ZCWPW2: variants seen among roughly 807,000 people sequenced by gnomAD.
ZCWPW2 encodes zinc finger CW-type and PWWP domain containing 2, also known as zinc finger CW-type PWWP domain protein 2.
In ZCWPW2, 45 loss-of-function variants were observed where a neutral mutation model predicts 46.6. The ratio of observed to expected loss-of-function variants is 0.96; its 90% CI spans 0.76 to 1.24. ZCWPW2 has a LOEUF of 1.24. ZCWPW2 is among the 50% of genes most tolerant of loss of function. The pLI, the probability that ZCWPW2 is intolerant of heterozygous loss-of-function variation, is 0.00. For synonymous variants in ZCWPW2, 152 were observed against 137.1 expected (o/e 1.11, Z -0.76); for missense variants, 429 against 403.9 (o/e 1.06, Z -0.53).
chr3:28,507,858 GA>G (rs1168741885), intron 6 of ZCWPW2, among the ~76,000 whole-genome samples: 1 of 152,010 alleles, frequency 6.6e-6, no homozygotes, highest in Non-Finnish European at 1.5e-5. Context: ...AATTGTGTAA[GA>G]AATTTTAAGA....
intron 7 of ZCWPW2, 133 bp from the exon 8 acceptor site, chr3:28,515,421 A>G (rs546991297): frequency 2.2e-4 from 156 of 719,120 alleles, no homozygotes; most frequent in Middle Eastern, 1.6e-3. Context: ...TTACTACATA[A>G]AACAACCAAG....
At chr3:28,424,099 G>A (rs73825157) in intron 3 of ZCWPW2, among the ~76,000 whole-genome samples, 7,472 of 151,992 alleles carry the variant, frequency 0.049, 559 homozygotes, top group African/African-American at 0.16. Context: ...TTTACATTGC[G>A]TTTTTCAACC....
intron 4 of ZCWPW2, among the ~76,000 whole-genome samples, chr3:28,453,116 A>G (rs1698288769): frequency 6.6e-6 from 1 of 152,216 alleles, no homozygotes; most frequent in Non-Finnish European, 1.5e-5. Context: ...GCCCAATATC[A>G]GCAGTGTCTC....
intron 6 of ZCWPW2, among the ~76,000 whole-genome samples, chr3:28,502,660 G>C (rs1292674435): frequency 6.6e-6 from 1 of 152,118 alleles, no homozygotes; most frequent in Admixed American, 6.6e-5. Flanking sequence ...AGGGCAAGTA[G>C]TGTAAGAAAT....
intron 1 of ZCWPW2, among the ~76,000 whole-genome samples, chr3:28,352,643 C>T (rs1239426363): frequency 6.6e-6 from 1 of 152,174 alleles, no homozygotes; most frequent in Non-Finnish European, 1.5e-5. Flanking sequence ...ATTTTTGAAG[C>T]ATACCCATGT....
At chr3:28,369,147 CTT>C (rs1398278186) in intron 1 of ZCWPW2, among the ~76,000 whole-genome samples, 1 of 152,176 alleles carries the variant, frequency 6.6e-6, no homozygotes, top group Non-Finnish European at 1.5e-5. Flanking sequence ...CTGAAGTCTT[CTT>C]CTCTCAACTC....
chr3:28,352,942 G>C (rs1704611887), intron 1 of ZCWPW2, among the ~76,000 whole-genome samples: 1 of 152,066 alleles, frequency 6.6e-6, no homozygotes, highest in Non-Finnish European at 1.5e-5. Context: ...CCAGCACTTT[G>C]GGAGGCTGAG....
intron 1 of ZCWPW2, among the ~76,000 whole-genome samples, chr3:28,357,449 C>G (rs1295899950): frequency 6.6e-6 from 1 of 152,034 alleles, no homozygotes; most frequent in Admixed American, 6.6e-5. Flanking sequence ...CTTTGAGTGT[C>G]TTTAGATAAG....
Position 28,453,832 on chromosome 3 carries a change from TTTTTA to T in ZCWPW2, c.492+18568_492+18572del, listed in dbSNP as rs201133599. 9.7e-3 allele frequency among the ~76,000 whole-genome samples: 1,403 copies of T among 144,812 alleles called. 22 individuals carry two copies. The highest frequency in any genetic ancestry group is 0.03 in the African/African-American group (1,147 of 37,788). ...ATTTATTTATTTATTTATTTATTTA[TTTTTA>T]TTTTTTTTATTATTATTTTTTTTTT... On this transcript the variant is annotated intron_variant, in intron 4 of 9. Transcript: ENST00000383768.
At chr3:28,387,812 A>C (rs1195809820) in intron 1 of ZCWPW2, among the ~76,000 whole-genome samples, 1 of 152,200 alleles carries the variant, frequency 6.6e-6, no homozygotes, top group Non-Finnish European at 1.5e-5. Context: ...TTTAGAATCT[A>C]ACCAAAAACT....
intron 6 of ZCWPW2, among the ~76,000 whole-genome samples, 160 bp from the exon 7 acceptor site, chr3:28,513,904 G>T (rs907345389): frequency 3.3e-5 from 5 of 151,524 alleles, no homozygotes; most frequent in Non-Finnish European, 7.4e-5. Flanking sequence ...TGCAATTGCC[G>T]TGACTATGCA....
chr3:28,446,563 A>G (rs1482270568), intron 4 of ZCWPW2, among the ~76,000 whole-genome samples: 1 of 152,036 alleles, frequency 6.6e-6, no homozygotes, highest in East Asian at 1.9e-4. Flanking sequence ...AACACTTATT[A>G]AAAAAACAAT....
intron 4 of ZCWPW2, chr3:28,447,812 A>G: frequency 1.0e-6 from 1 of 968,868 alleles, no homozygotes; most frequent in Non-Finnish European, 1.6e-6. Flanking sequence ...TGGCAATAGA[A>G]TTGTTTACCT....
At chr3:28,524,073 C>G (rs1157745316) in intron 9 of ZCWPW2, among the ~76,000 whole-genome samples, 2 of 151,830 alleles carry the variant, frequency 1.3e-5, no homozygotes, top group Non-Finnish European at 1.5e-5. Context: ...CAAATAAATC[C>G]ACATATGCAT....
intron 6 of ZCWPW2, among the ~76,000 whole-genome samples, chr3:28,508,499 A>C (rs957623419): frequency 6.6e-6 from 1 of 151,696 alleles, no homozygotes; most frequent in African/African-American, 2.4e-5. Flanking sequence ...CTCACTTTCA[A>C]CCTTTTTGTT....
intron 5 of ZCWPW2, among the ~76,000 whole-genome samples, chr3:28,491,594 G>A (rs1250817396): frequency 5.3e-5 from 8 of 152,012 alleles, no homozygotes; most frequent in Admixed American, 5.3e-4. Flanking sequence ...GGAAAAATTA[G>A]AGGCTTGCGA....
At chr3:28,460,657 A>G (rs141446212) in intron 4 of ZCWPW2, among the ~76,000 whole-genome samples, 12 of 152,302 alleles carry the variant, frequency 7.9e-5, no homozygotes, top group Non-Finnish European at 1.2e-4. Context: ...TGTCTGGATT[A>G]CTGGTTGCTG....
intron 5 of ZCWPW2, among the ~76,000 whole-genome samples, chr3:28,486,881 A>AT (rs1272146998): frequency 6.6e-6 from 1 of 151,644 alleles, no homozygotes; most frequent in Non-Finnish European, 1.5e-5. Flanking sequence ...AAAAAAAAAA[A>AT]GGTAATTTCA....
At chr3:28,392,983 A>G (rs1286564691) in intron 2 of ZCWPW2, among the ~76,000 whole-genome samples, 2 of 152,042 alleles carry the variant, frequency 1.3e-5, no homozygotes, top group Non-Finnish European at 2.9e-5. Flanking sequence ...TATACTAGAA[A>G]AGATCAAAGG....
Sources: allele counts gnomAD v4.1 joint callset (sites outside exome capture counted in the v4.1 genomes callset), GRCh38; gene constraint gnomAD v4.1.1; transcripts MANE v1.5; gene names NCBI Gene and HGNC (gene_info 2026-07-23, HGNC 2026-07-21).